CLNK: variants seen among roughly 807,000 people sequenced by gnomAD.
CLNK encodes the protein cytokine dependent hematopoietic cell linker, also known as cytokine-dependent hematopoietic cell linker.
Under a neutral mutation model 68.6 loss-of-function variants are expected in CLNK, and 74 were observed. The observed-to-expected ratio is 1.08, with a 90% CI of 0.89 to 1.31. The LOEUF (loss-of-function observed/expected upper bound fraction) is 1.31. CLNK is among the 50% of genes most tolerant of loss of function. The probability of loss-of-function intolerance (pLI) is 0.00; values close to 1 mark genes in which losing one functional copy is unlikely to be tolerated. For missense variants in CLNK, 553 were observed against 515.3 expected (o/e 1.07, Z -0.71); for synonymous variants, 198 against 172.2 (o/e 1.15, Z -1.17).
chr4:10,558,557 T>G (rs1214795439), intron 7 of CLNK, 105 bp from the exon 8 acceptor site: 1 of 1,019,616 alleles, frequency 9.8e-7, no homozygotes, highest in Non-Finnish European at 1.5e-6. Flanking sequence ...AAGCCGTAAG[T>G]CCCTGGGCTC....
At chr4:10,667,729 GGCCTCTCAGGAA>G (rs1724455081) in intron 2 of CLNK, 118 bp downstream of exon 2, 1 of 689,280 alleles carries the variant, frequency 1.5e-6, no homozygotes, top group Non-Finnish European at 2.3e-6. Context: ...TCTCAACCAT[GGCCTCTCAGGAA>G]ATCCCTTTTC....
At chr4:10,557,076 A>AAAAC (rs375355600) in intron 8 of CLNK, among the ~76,000 whole-genome samples, 2 of 139,996 alleles carry the variant, frequency 1.4e-5, no homozygotes, top group Non-Finnish European at 3.1e-5. Context: ...ACTCTGTCTC[A>AAAAC]AAATAAATAA....
intron 2 of CLNK, among the ~76,000 whole-genome samples, chr4:10,605,825 C>A (rs80280408): frequency 2.4e-3 from 236 of 100,344 alleles, no homozygotes; most frequent in South Asian, 3.5e-3. Context: ...AGACTCTGTC[C>A]AAAAAAAAAA....
At position 10,529,749 on chromosome 4, in the gene CLNK, G is replaced by C. The variant is rs544563156; in HGVS notation, c.631-1655C>G. 2.6e-5 allele frequency among the ~76,000 whole-genome samples: 4 copies of C among 152,300 alleles called. No homozygotes were observed. In the East Asian group the frequency reaches 7.7e-4, roughly 29 times the overall value. ...GATTGCTCTCAGGCTTGTCAAAGGG[G>C]AGAGGAAGAGGAGATGAGAACAGTG... is the stretch of plus-strand genomic sequence containing the variant. On this transcript the variant is annotated intron_variant, in intron 12 of 18. Coordinates refer to ENST00000226951, the MANE Select transcript of CLNK (RefSeq NM_052964.4).
At position 10,548,722 on chromosome 4, in the gene CLNK, G is replaced by A. The variant is rs116017892; in HGVS notation, c.446-6442C>T. 3.5e-3 allele frequency among the ~76,000 whole-genome samples: 528 copies of A among 152,302 alleles called. 3 individuals carry two copies. The highest frequency in any genetic ancestry group is 8.4e-3 in the African/African-American group (350 of 41,572). ...TGGTCCTGCCCTGTGCAGAGGAACA[G>A]GTCCTGCCCTGTTCTTCTGCACATT... On this transcript the variant is annotated intron_variant, in intron 8 of 18. Transcript: ENST00000226951.
At position 10,508,017 on chromosome 4, in the gene CLNK, C is replaced by T; in HGVS notation, c.926G>A (p.Trp309Ter). 6.2e-7 allele frequency: 1 copy of T among 1,611,188 alleles called. No individual in the cohort carries two copies. Among genetic ancestry groups the T allele is most frequent in the South Asian group, 1.1e-5 (1 of 90,112 alleles). The change falls in exon 17 of 19, where the codon TGG becomes TAG. Residue 309 changes from tryptophan (W) to a stop codon, truncating the protein, a stop_gained. Transcript: ENST00000226951. LOFTEE classifies it high-confidence loss of function. ...CTGGCGGCTGTATTCTCCAATGTACCATTCATTGTGCTGGACATCCTGCAG... is the reference window on the plus strand; with the variant it reads ...CTGGCGGCTGTATTCTCCAATGTACTATTCATTGTGCTGGACATCCTGCAG... ...SDRKDVQHNE[W>*]YIGEYSRQAV...
chr4:10,521,466 C>T (rs2041216), intron 14 of CLNK, among the ~76,000 whole-genome samples: 69,830 of 152,000 alleles, frequency 0.46, 16,392 homozygotes, highest in East Asian at 0.6. Context: ...GTATTGTGGT[C>T]AGTATCATCA....
intron 14 of CLNK, among the ~76,000 whole-genome samples, chr4:10,524,833 G>A (rs572252513): frequency 9.7e-4 from 148 of 152,278 alleles, no homozygotes; most frequent in Admixed American, 1.5e-3. Flanking sequence ...GGGGCTACAG[G>A]CAGGAGAGTG....
chr4:10,598,177 C>T, intron 2 of CLNK, 128 bp from the exon 3 acceptor site: 2 of 645,912 alleles, frequency 3.1e-6, no homozygotes, highest in East Asian at 2.8e-5. Context: ...ACACATAATT[C>T]TGAATCTCTC....
chr4:10,705,323 T>C, the CLNK span, among the ~76,000 whole-genome samples: 1 of 152,218 alleles, frequency 6.6e-6, no homozygotes, highest in East Asian at 1.9e-4. Context: ...TACACTTAGA[T>C]GTTATTATTA....
intron 18 of CLNK, among the ~76,000 whole-genome samples, chr4:10,495,236 G>A (rs936136970): frequency 4.6e-5 from 7 of 152,296 alleles, no homozygotes; most frequent in African/African-American, 1.2e-4. Flanking sequence ...AAATTGAAAT[G>A]TCCCTTCTCT....
At chr4:10,543,210 A>G (rs1381794795) in intron 8 of CLNK, among the ~76,000 whole-genome samples, 2 of 152,206 alleles carry the variant, frequency 1.3e-5, no homozygotes, top group Non-Finnish European at 2.9e-5. Flanking sequence ...AGAAGGACAA[A>G]GTATTAAATG....
At chr4:10,662,472 A>G (rs1577204722) in intron 2 of CLNK, among the ~76,000 whole-genome samples, 1 of 152,372 alleles carries the variant, frequency 6.6e-6, no homozygotes, top group Non-Finnish European at 1.5e-5. Flanking sequence ...ATTGGGATTA[A>G]TGAAGAACAT....
Position 10,501,387 on chromosome 4 carries a change from A to G in CLNK, c.1009T>C (p.Cys337Arg). Residue 337 changes from cysteine (C) to arginine (R), a missense_variant, in exon 18 of 19, where the codon TGT (cysteine) becomes CGT (arginine). By Grantham distance (180) the Cys-to-Arg change is radical (BLOSUM62 -3). Transcript: ENST00000226951. The stretch of plus-strand genomic sequence containing the variant: ...GGCTCTTCCTTGGATTTTGTGGAAC[A>G]ATCTCGGACCAAGAAACTACCATCC... ...NKDGSFLVRDCSTKSKEEPYV... is the reference protein window; with the variant it reads ...NKDGSFLVRDRSTKSKEEPYV... 6.2e-7 allele frequency: 1 copy of G among 1,610,026 alleles called. No homozygotes were observed. Among genetic ancestry groups the G allele is most frequent in the Non-Finnish European group, 8.5e-7 (1 of 1,178,782 alleles).
At chr4:10,584,895 C>T in intron 4 of CLNK, 32 bp downstream of exon 4, 2 of 1,611,696 alleles carry the variant, frequency 1.2e-6, no homozygotes, top group Non-Finnish European at 1.7e-6. Flanking sequence ...CTGACATTCC[C>T]ACCACTTAGG....
chr4:10,699,466 G>GTCTCTCTCTCTC, the CLNK span, among the ~76,000 whole-genome samples: 1,640 of 60,368 alleles, frequency 0.027, 64 homozygotes, highest in Non-Finnish European at 0.036. Flanking sequence ...CATCCTCTCT[G>GTCTCTCTCTCTC]TCTCTCTCTC....
intron 18 of CLNK, among the ~76,000 whole-genome samples, chr4:10,491,122 A>G (rs990249268): frequency 6.6e-6 from 1 of 152,198 alleles, no homozygotes; most frequent in African/African-American, 2.4e-5. Context: ...AAGAATGATA[A>G]CAAGAGAGAA....
intron 6 of CLNK, 87 bp downstream of exon 6, chr4:10,565,922 T>C (rs1170112228): frequency 1.1e-5 from 16 of 1,439,334 alleles, no homozygotes; most frequent in Non-Finnish European, 1.5e-5. Context: ...TAGGGTTGTT[T>C]AATTCAGAAA....
chr4:10,608,485 T>C (rs190825491), intron 2 of CLNK, among the ~76,000 whole-genome samples: 121 of 152,336 alleles, frequency 7.9e-4, no homozygotes, highest in African/African-American at 2.5e-3. Context: ...TGAACTAGAA[T>C]GATGCTTGCT....
Sources: gnomAD v4.1 joint callset for allele counts (sites outside exome capture counted in the v4.1 genomes callset) on GRCh38, gnomAD v4.1.1 for gene constraint, MANE v1.5 for transcripts, NCBI Gene and HGNC (gene_info 2026-07-23, HGNC 2026-07-21) for gene names.